Variants in CDK14 observed in about 807,000 individuals in gnomAD.
The protein encoded by CDK14 is cyclin-dependent kinase 14.
A neutral mutation model predicts 60.7 loss-of-function variants in CDK14; 34 were observed. The ratio of observed to expected loss-of-function variants is 0.56; its 90% CI spans 0.43 to 0.75. The LOEUF (loss-of-function observed/expected upper bound fraction) is 0.75, where lower values mean the gene tolerates loss of function less well. Ranked by LOEUF, CDK14 falls within the 30% of genes least tolerant of loss-of-function variation. CDK14 has a pLI of 0.00. For synonymous variants in CDK14, 197 were observed against 203.7 expected, an observed-to-expected ratio of 0.97 and a Z score of 0.28; for missense variants, 482 against 564.1, an observed-to-expected ratio of 0.85 and a Z score of 1.47.
intron 12 of CDK14, among the ~76,000 whole-genome samples, chr7:91,093,679 A>G (rs1332939737): frequency 2.6e-5 from 4 of 152,218 alleles, no homozygotes; most frequent in Non-Finnish European, 5.9e-5. Context: ...CTGTTTATAT[A>G]TCAAAAAAGA....
intron 10 of CDK14, among the ~76,000 whole-genome samples, chr7:91,021,113 C>T (rs1429202812): frequency 2.0e-5 from 3 of 152,168 alleles, no homozygotes; most frequent in African/African-American, 7.2e-5. Flanking sequence ...ACTAAGTCTC[C>T]TATGACAGTG....
rs1483478106 is a variant in CDK14 at position 90,866,023 on chromosome 7, A to G, written c.639+2754A>G. On this transcript the variant is annotated intron_variant, in intron 6 of 14. Transcript: ENST00000380050. ...TCTTTCCATAACCTTCCTTTATTCT[A>G]CACTTAATATCCTGAGTGCAGATAA... Among the ~76,000 whole-genome samples the G allele has an allele frequency of 3.3e-5, 5 of 152,116 alleles. 1 individual carries two copies.
intron 11 of CDK14, among the ~76,000 whole-genome samples, chr7:91,046,845 T>C (rs575811962): frequency 1.3e-5 from 2 of 152,292 alleles, no homozygotes; most frequent in Admixed American, 6.5e-5. Flanking sequence ...CCAAGTGTAT[T>C]ATTTTGCTTC....
intron 2 of CDK14, among the ~76,000 whole-genome samples, chr7:90,653,762 G>A (rs1800696595): frequency 6.6e-6 from 1 of 152,100 alleles, no homozygotes; most frequent in African/African-American, 2.4e-5. Context: ...TTGGTGTGCT[G>A]CACCCATTAA....
chr7:90,835,581 G>C (rs750971171), intron 5 of CDK14, among the ~76,000 whole-genome samples: 1 of 152,142 alleles, frequency 6.6e-6, no homozygotes, highest in Non-Finnish European at 1.5e-5. Context: ...CTAGGTAAAT[G>C]TGACATGATC....
chr7:90,998,474 C>A (rs371276110), intron 10 of CDK14, among the ~76,000 whole-genome samples: 1 of 152,118 alleles, frequency 6.6e-6, no homozygotes, highest in South Asian at 2.1e-4. Flanking sequence ...AGTGAATAGA[C>A]ACTTGGGCAA....
Position 90,806,907 on chromosome 7 carries a change from G to A in CDK14, c.544+16255G>A, listed in dbSNP as rs28763307. Among the ~76,000 whole-genome samples the A allele has an allele frequency of 2.7e-3, 409 of 152,346 alleles. 3 individuals carry two copies. Among genetic ancestry groups the A allele is most frequent in the African/African-American group, 9.5e-3 (395 of 41,584 alleles). On this transcript the variant is annotated intron_variant, in intron 5 of 14. Transcript: ENST00000380050. ...TCTGAGGTCAAACTGCAAGGTAGCA[G>A]CGAGGCTGGGGGAGGGGCACCCGCC...
At chr7:91,065,935 T>C (rs919019743) in intron 11 of CDK14, among the ~76,000 whole-genome samples, 1 of 152,216 alleles carries the variant, frequency 6.6e-6, no homozygotes, top group Non-Finnish European at 1.5e-5. Flanking sequence ...ACAGTGTTAA[T>C]TGTTCATCCT....
chr7:90,649,633 C>G (rs1800582833), intron 2 of CDK14, among the ~76,000 whole-genome samples: 2 of 151,692 alleles, frequency 1.3e-5, no homozygotes, highest in South Asian at 4.2e-4. Flanking sequence ...ACAACATGCC[C>G]TGGCGAGTGA....
intron 5 of CDK14, among the ~76,000 whole-genome samples, chr7:90,814,024 A>G (rs897664558): frequency 1.3e-5 from 2 of 152,154 alleles, no homozygotes; most frequent in African/African-American, 4.8e-5. Flanking sequence ...ATCTTTATCT[A>G]TTTCTCTTTC....
In CDK14 at chr7:90,917,744, C is replaced by A. The variant is rs757021007; in HGVS notation, c.826+20C>A. 6.2e-7 allele frequency: 1 copy of A among 1,611,178 alleles called. No individual in the cohort carries two copies. The highest frequency in any genetic ancestry group is 8.5e-7 in the Non-Finnish European group (1 of 1,178,046). Reference sequence around the variant, plus strand: ...ATTTCGGTAGGAAAGCAGTTAATTACCAGTCTATTTTGTCATACTGTGAGA... The same window carrying A: ...ATTTCGGTAGGAAAGCAGTTAATTAACAGTCTATTTTGTCATACTGTGAGA... On this transcript the variant is annotated intron_variant, in intron 8 of 14. Transcript: ENST00000380050.
At chr7:91,089,439 A>T (rs1307346236) in intron 12 of CDK14, among the ~76,000 whole-genome samples, 1 of 152,096 alleles carries the variant, frequency 6.6e-6, no homozygotes, top group Non-Finnish European at 1.5e-5. Flanking sequence ...ACGCAGATAT[A>T]CCCAACCTCC....
intron 14 of CDK14, among the ~76,000 whole-genome samples, chr7:91,180,911 A>G (rs2724350): frequency 0.97 from 147,120 of 152,290 alleles, 71,092 homozygotes; most frequent in East Asian, 1. Context: ...TTCAACAATT[A>G]CCAACTTTCA....
chr7:91,077,743 TACACACACAC>T (rs36101608), intron 11 of CDK14, among the ~76,000 whole-genome samples: 340 of 148,714 alleles, frequency 2.3e-3, no homozygotes, highest in Non-Finnish European at 3.3e-3. Flanking sequence ...TTCACTTTTA[TACACACACAC>T]ACACACACAC....
At chr7:90,813,088 A>G (rs2117050008) in intron 5 of CDK14, among the ~76,000 whole-genome samples, 1 of 152,356 alleles carries the variant, frequency 6.6e-6, no homozygotes, top group Non-Finnish European at 1.5e-5. Flanking sequence ...GGAGCTAACT[A>G]CTGATAACAT....
chr7:91,001,407 A>G (rs764923871), intron 10 of CDK14, among the ~76,000 whole-genome samples: 7 of 152,330 alleles, frequency 4.6e-5, no homozygotes, highest in Non-Finnish European at 7.4e-5. Flanking sequence ...TTCAGATGGT[A>G]AGATAAAAAA....
chr7:91,082,237 A>T (rs532471324), intron 12 of CDK14, among the ~76,000 whole-genome samples: 1 of 152,378 alleles, frequency 6.6e-6, no homozygotes, highest in South Asian at 2.1e-4. Flanking sequence ...GGAAGATTCC[A>T]GGAACACATT....
chr7:90,842,762 G>A (rs1275564048), intron 5 of CDK14, among the ~76,000 whole-genome samples: 2 of 152,092 alleles, frequency 1.3e-5, no homozygotes, highest in African/African-American at 4.8e-5. Context: ...AGCAAACTAA[G>A]CTGTGTCATA....
intron 9 of CDK14, among the ~76,000 whole-genome samples, chr7:90,981,803 G>GAAACAAAGCAAAACA (rs1554397475): frequency 6.7e-6 from 1 of 148,492 alleles, no homozygotes; most frequent in Admixed American, 6.8e-5. Context: ...GAGAGTTCTA[G>GAAACAAAGCAAAACA]AAACAAAACA....
Sources: gnomAD v4.1 joint callset for allele counts (sites outside exome capture counted in the v4.1 genomes callset) on GRCh38, gnomAD v4.1.1 for gene constraint, MANE v1.5 for transcripts, NCBI Gene and HGNC (gene_info 2026-07-23, HGNC 2026-07-21) for gene names.